OSBPL3: variants seen among roughly 807,000 people sequenced by gnomAD.
OSBPL3 encodes the protein oxysterol binding protein like 3.
A neutral mutation model predicts 120.1 loss-of-function variants in OSBPL3; 65 were observed. The observed-to-expected ratio is 0.54, with a 90% CI of 0.44 to 0.67. The LOEUF (loss-of-function observed/expected upper bound fraction) is 0.67, where lower values mean the gene tolerates loss of function less well. OSBPL3 is among the 30% of genes least tolerant of loss of function. The pLI is 0.00. For synonymous variants in OSBPL3, 416 were observed against 402.6 expected (o/e 1.03, Z -0.40); for missense variants, 1,004 against 1,082.1 (o/e 0.93, Z 1.01).
chr7:24,835,915 G>GA lies in OSBPL3; in HGVS notation c.1496-1180dup, dbSNP rs908428390. Reference sequence around the variant, plus strand: ...AGACACCAGGGCCTACTGGAATGTGGAGAGTGGGTGGAGGGTGGGTAGTGG... The same window carrying GA: ...AGACACCAGGGCCTACTGGAATGTGGAAGAGTGGGTGGAGGGTGGGTAGTGG... On this transcript the variant is annotated intron_variant, in intron 14 of 22. Transcript: ENST00000313367. This position sits in a 1 kb window ranked among gnomAD's most constrained non-coding sequence, Gnocchi z 4.8. 1.2e-4 allele frequency among the ~76,000 whole-genome samples: 18 copies of GA among 152,030 alleles called. No individual in the cohort carries two copies. Among genetic ancestry groups the GA allele is most frequent in the African/African-American group, 4.3e-4 (18 of 41,400 alleles).
chr7:24,969,364 T>C (rs1816750730), intron 1 of OSBPL3, among the ~76,000 whole-genome samples: 1 of 152,238 alleles, frequency 6.6e-6, no homozygotes, highest in South Asian at 2.1e-4. Flanking sequence ...GAGTTCTTTA[T>C]ATATTGATAA....
rs142875549 is a variant in OSBPL3 at position 24,853,760 on chromosome 7, T to C, written c.1028-1126A>G. Among the ~76,000 whole-genome samples the C allele has an allele frequency of 3.9e-5, 6 of 152,310 alleles. No individual in the cohort carries two copies. The East Asian group carries it at 1.2e-3, about 29-fold the overall frequency. On this transcript the variant is annotated intron_variant, in intron 10 of 22. Transcript: ENST00000313367. ...AATGGTTCCAAAAAGTGAAAGCGTG[T>C]GTGTGTAGAGAGTGATAAAATAAAT... is the stretch of plus-strand genomic sequence containing the variant.
chr7:24,924,242 T>C (rs1252578498), intron 1 of OSBPL3, among the ~76,000 whole-genome samples: 1 of 152,114 alleles, frequency 6.6e-6, no homozygotes, highest in Non-Finnish European at 1.5e-5. Flanking sequence ...TATGTAAAAA[T>C]GTACACTGAA....
At chr7:24,885,056 G>C (rs1804290030) in intron 2 of OSBPL3, among the ~76,000 whole-genome samples, 1 of 151,864 alleles carries the variant, frequency 6.6e-6, no homozygotes, top group Non-Finnish European at 1.5e-5. Flanking sequence ...GGCCGAAGGG[G>C]GTGGATCACC....
chr7:24,922,095 T>C lies in OSBPL3; in HGVS notation c.-149-29474A>G, dbSNP rs1310102748. ...CTTCTAACATTGTTAGTATTGTGAA[T>C]GCAATTTACTTTTTAAATACTGTAA... On this transcript the variant is annotated intron_variant, in intron 1 of 22. Coordinates refer to ENST00000313367, the MANE Select transcript of OSBPL3 (RefSeq NM_015550.4). This position sits in a 1 kb window ranked among gnomAD's most constrained non-coding sequence, Gnocchi z 4.3. 6.6e-6 allele frequency among the ~76,000 whole-genome samples: 1 copy of C among 152,246 alleles called. No individual in the cohort carries two copies. Among genetic ancestry groups the C allele is most frequent in the Non-Finnish European group, 1.5e-5 (1 of 68,036 alleles).
At position 24,818,299 on chromosome 7, in the gene OSBPL3, G is replaced by A. The variant is rs942722339; in HGVS notation, c.1949-1611C>T. The stretch of plus-strand genomic sequence containing the variant: ...AACCATTGAATTGTACACTTTACAC[G>A]GGTGAATGATATGGTATATAAGTTA... On this transcript the variant is annotated intron_variant, in intron 17 of 22. Coordinates refer to ENST00000313367, the MANE Select transcript of OSBPL3 (RefSeq NM_015550.4). This position sits in a 1 kb window ranked among gnomAD's most constrained non-coding sequence, Gnocchi z 4.0. Among the ~76,000 whole-genome samples, 8 of 152,024 alleles carry A rather than the reference G, an allele frequency of 5.3e-5. No individual in the cohort carries two copies. The highest frequency in any genetic ancestry group is 3.8e-4 in the East Asian group (2 of 5,200).
intron 2 of OSBPL3, among the ~76,000 whole-genome samples, chr7:24,888,751 T>C (rs1396546528): frequency 1.3e-5 from 2 of 152,192 alleles, no homozygotes; most frequent in Admixed American, 1.3e-4. Context: ...TGAGATTTTA[T>C]ATGAATAGGT....
At position 24,930,672 on chromosome 7, in the gene OSBPL3, A is replaced by T. The variant is rs1811681997; in HGVS notation, c.-149-38051T>A. Among the ~76,000 whole-genome samples, 1 of 152,228 alleles carries T rather than the reference A, an allele frequency of 6.6e-6. No homozygotes were observed. Among genetic ancestry groups the T allele is most frequent in the South Asian group, 2.1e-4 (1 of 4,832 alleles). On this transcript the variant is annotated intron_variant, in intron 1 of 22. Transcript: ENST00000313367. The surrounding 1 kb of genome is among the most constrained non-coding windows in gnomAD (Gnocchi z 4.4). ...ACCTTTCCAGGTTAACCTCTTAAAA[A>T]ATTTAATGAAAGTTATGGTCCAGTC...
At chr7:24,978,195 C>A (rs971486001) in intron 1 of OSBPL3, among the ~76,000 whole-genome samples, 1 of 152,108 alleles carries the variant, frequency 6.6e-6, no homozygotes, top group South Asian at 2.1e-4. Context: ...AAGTTTAATG[C>A]GGTAATGTAC....
At position 24,953,815 on chromosome 7, in the gene OSBPL3, G is replaced by A. The variant is rs1193868758; in HGVS notation, c.-150+26071C>T. Among the ~76,000 whole-genome samples the A allele has an allele frequency of 3.9e-5, 6 of 152,282 alleles. No individual in the cohort carries two copies. Among genetic ancestry groups the A allele is most frequent in the African/African-American group, 1.2e-4 (5 of 41,560 alleles). ...CCTGACTCTCCATTAAATGTTCAACGGCATGAACTAGAAGCAGGCAGCATG... is the reference window on the plus strand; with the variant it reads ...CCTGACTCTCCATTAAATGTTCAACAGCATGAACTAGAAGCAGGCAGCATG... On this transcript the variant is annotated intron_variant, in intron 1 of 22. Transcript: ENST00000313367. This position sits in a 1 kb window ranked among gnomAD's most constrained non-coding sequence, Gnocchi z 4.3.
chr7:24,924,392 T>G (rs895418957), intron 1 of OSBPL3, among the ~76,000 whole-genome samples: 2 of 152,216 alleles, frequency 1.3e-5, no homozygotes, highest in Non-Finnish European at 2.9e-5. Context: ...GATGATATAT[T>G]ACGTAAAAAA....
chr7:24,877,992 G>A lies in OSBPL3; in HGVS notation c.97-5923C>T, dbSNP rs939689833. Reference sequence around the variant, plus strand: ...GGGGATGTGGCTTCTTAAGGTTTTTGCATGAGTTTCACTGAAGACAGTCTG... The same window carrying A: ...GGGGATGTGGCTTCTTAAGGTTTTTACATGAGTTTCACTGAAGACAGTCTG... On this transcript the variant is annotated intron_variant, in intron 2 of 22. Transcript: ENST00000313367. This position sits in a 1 kb window ranked among gnomAD's most constrained non-coding sequence, Gnocchi z 4.8. 6.6e-6 allele frequency among the ~76,000 whole-genome samples: 1 copy of A among 152,178 alleles called. No homozygotes were observed. The highest frequency in any genetic ancestry group is 1.5e-5 in the Non-Finnish European group (1 of 68,036).
intron 1 of OSBPL3, among the ~76,000 whole-genome samples, chr7:24,903,033 T>C (rs1807296889): frequency 6.6e-6 from 1 of 152,360 alleles, no homozygotes; most frequent in East Asian, 1.9e-4. Flanking sequence ...AATAAATTAC[T>C]TTTTCTTAAG....
Position 24,849,246 on chromosome 7 carries a change from T to A in OSBPL3, c.1159-70A>T. The stretch of plus-strand genomic sequence containing the variant: ...TTCAGAAAAGCACAGCAGTGGGCCC[T>A]GCAGGAGCGATCTCTAAGAGCTTGA... On this transcript the variant is annotated intron_variant, in intron 11 of 22. Transcript: ENST00000313367. This position sits in a 1 kb window ranked among gnomAD's most constrained non-coding sequence, Gnocchi z 5.4. 2 of 1,064,434 alleles carry A rather than the reference T, an allele frequency of 1.9e-6. No individual in the cohort carries two copies. The highest frequency in any genetic ancestry group is 2.8e-6 in the Non-Finnish European group (2 of 702,048). The allele number at this position is 1,064,434 out of a possible 1,614,324, so 65.9% of individuals were successfully genotyped here.
chr7:24,940,288 A>G lies in OSBPL3; in HGVS notation c.-150+39598T>C, dbSNP rs904534361. 2.6e-5 allele frequency among the ~76,000 whole-genome samples: 4 copies of G among 152,244 alleles called. No homozygotes were observed. Among genetic ancestry groups the G allele is most frequent in the Admixed American group, 6.5e-5 (1 of 15,292 alleles). ...GCAGAGTGGTAAACTGAGTACAAAG[A>G]CAGAAGAAGTGGACTGTTGTGTTGA... On this transcript the variant is annotated intron_variant, in intron 1 of 22. Coordinates refer to ENST00000313367, the MANE Select transcript of OSBPL3 (RefSeq NM_015550.4). The surrounding 1 kb of genome is among the most constrained non-coding windows in gnomAD (Gnocchi z 4.4).
Position 24,852,084 on chromosome 7 carries a change from T to C in OSBPL3, c.1158+420A>G, listed in dbSNP as rs1308436223. On this transcript the variant is annotated intron_variant, in intron 11 of 22. Transcript: ENST00000313367. This position sits in a 1 kb window ranked among gnomAD's most constrained non-coding sequence, Gnocchi z 4.1. ...GCAATAGGGAAGATAAGAGCATGAA[T>C]TGGAAATTTCACTCTGCCACCTGTC... is the stretch of plus-strand genomic sequence containing the variant. Among the ~76,000 whole-genome samples, 1 of 152,190 alleles carries C rather than the reference T, an allele frequency of 6.6e-6. No individual in the cohort carries two copies. The highest frequency in any genetic ancestry group is 2.4e-5 in the African/African-American group (1 of 41,436).
chr7:24,897,963 A>G (rs868238236), intron 1 of OSBPL3, among the ~76,000 whole-genome samples: 1 of 152,246 alleles, frequency 6.6e-6, no homozygotes, highest in Non-Finnish European at 1.5e-5. Context: ...CAGATGGCAT[A>G]TAATTCCAAA....
rs1439509090 is a variant in OSBPL3, at chr7:24,955,216, T to C, written c.-150+24670A>G. On this transcript the variant is annotated intron_variant, in intron 1 of 22. Transcript: ENST00000313367. The surrounding 1 kb of genome is among the most constrained non-coding windows in gnomAD (Gnocchi z 4.3). ...ATTAATAAAGTTATAGTTCAATCAT[T>C]CATGAATTTGCTGAAAGCCAGTAGC... Among the ~76,000 whole-genome samples the C allele has an allele frequency of 6.6e-6, 1 of 152,230 alleles. No individual in the cohort carries two copies. Among genetic ancestry groups the C allele is most frequent in the African/African-American group, 2.4e-5 (1 of 41,462 alleles).
chr7:24,833,100 A>G lies in OSBPL3; in HGVS notation c.1746+1386T>C, dbSNP rs1479633621. ...CTTGCTTAGAAGCTATTTCTAGAAG[A>G]TTTGCCTTCCTTTTATTCAGCAAAA... On this transcript the variant is annotated intron_variant, in intron 15 of 22. Coordinates refer to ENST00000313367, the MANE Select transcript of OSBPL3 (RefSeq NM_015550.4). The surrounding 1 kb of genome is among the most constrained non-coding windows in gnomAD (Gnocchi z 4.4). 6.6e-6 allele frequency among the ~76,000 whole-genome samples: 1 copy of G among 152,226 alleles called. No individual in the cohort carries two copies. The highest frequency in any genetic ancestry group is 1.5e-5 in the Non-Finnish European group (1 of 68,034).
Sources: gnomAD v4.1 joint callset for allele counts (sites outside exome capture counted in the v4.1 genomes callset) on GRCh38, gnomAD v4.1.1 for gene constraint, Gnocchi (gnomAD v3.1) non-coding constraint, MANE v1.5 for transcripts, NCBI Gene and HGNC (gene_info 2026-07-23, HGNC 2026-07-21) for gene names.